The following TAX1BP1 variants were observed in gnomAD, a reference collection of about 807,000 sequenced individuals.
TAX1BP1 encodes Tax1 binding protein 1.
A neutral mutation model predicts 97.7 loss-of-function variants in TAX1BP1; 62 were observed. The observed-to-expected ratio is 0.63, with a 90% CI of 0.52 to 0.78. The LOEUF (loss-of-function observed/expected upper bound fraction) is 0.78. TAX1BP1 is among the 30% of genes least tolerant of loss of function. The probability of loss-of-function intolerance (pLI) is 0.00; values close to 1 mark genes in which losing one functional copy is unlikely to be tolerated. For synonymous variants in TAX1BP1, 340 were observed against 304.2 expected (o/e 1.12, Z -1.23); for missense variants, 867 against 916.1 (o/e 0.95, Z 0.69).
chr7:27,806,918 T>C (rs1425043113), intron 13 of TAX1BP1, among the ~76,000 whole-genome samples: 4 of 152,158 alleles, frequency 2.6e-5, no homozygotes, highest in African/African-American at 7.2e-5. Context: ...CAAATCTGTT[T>C]TGTGTCTTTC....
intron 3 of TAX1BP1, among the ~76,000 whole-genome samples, chr7:27,763,146 A>T (rs2081994616): frequency 6.6e-6 from 1 of 152,232 alleles, no homozygotes; most frequent in Non-Finnish European, 1.5e-5. Context: ...TTCAAGCATA[A>T]TGCAAATCAC....
At chr7:27,786,020 ATTAAT>A (rs1230677026) in intron 7 of TAX1BP1, among the ~76,000 whole-genome samples, 1 of 152,184 alleles carries the variant, frequency 6.6e-6, no homozygotes, top group Non-Finnish European at 1.5e-5. Context: ...TGGGGAGAAC[ATTAAT>A]TTAGTAATAA....
chr7:27,792,625 G>A (rs1188297492), intron 9 of TAX1BP1, among the ~76,000 whole-genome samples: 1 of 152,050 alleles, frequency 6.6e-6, no homozygotes, highest in African/African-American at 2.4e-5. Flanking sequence ...TGTAAAACTG[G>A]ACTTAACAAG....
chr7:27,820,324 T>C (rs182658951), intron 15 of TAX1BP1, among the ~76,000 whole-genome samples: 1 of 152,294 alleles, frequency 6.6e-6, no homozygotes, highest in East Asian at 1.9e-4. Flanking sequence ...CTGCAGACAT[T>C]TTTTGTTGAT....
chr7:27,799,252 T>C (rs1790045795), intron 12 of TAX1BP1, among the ~76,000 whole-genome samples: 1 of 152,220 alleles, frequency 6.6e-6, no homozygotes. Context: ...TTCCTCTCCA[T>C]TGAATTGCTC....
intron 2 of TAX1BP1, among the ~76,000 whole-genome samples, chr7:27,754,670 TC>T (rs1415644929): frequency 1.3e-5 from 2 of 152,118 alleles, no homozygotes; most frequent in African/African-American, 4.8e-5. Context: ...CCTCCTGGGT[TC>T]ACGCCATTCT....
chr7:27,742,211 G>C (rs1163000746), intron 1 of TAX1BP1, among the ~76,000 whole-genome samples: 1 of 152,112 alleles, frequency 6.6e-6, no homozygotes, highest in Non-Finnish European at 1.5e-5. Flanking sequence ...TACGGATGTC[G>C]GGCTGGGGGA....
chr7:27,798,383 C>T (rs1366339359), intron 12 of TAX1BP1, among the ~76,000 whole-genome samples: 2 of 151,596 alleles, frequency 1.3e-5, no homozygotes, highest in Admixed American at 1.3e-4. Context: ...GAAATTACCT[C>T]CTGGGTGCAG....
intron 15 of TAX1BP1, 124 bp downstream of exon 15, chr7:27,817,162 T>C (rs558289561): frequency 1.7e-6 from 2 of 1,198,458 alleles, no homozygotes; most frequent in South Asian, 1.9e-5. Flanking sequence ...AAGGAGAGTG[T>C]GTGCTTGTGC....
At chr7:27,813,019 C>T (rs1173461327) in intron 13 of TAX1BP1, among the ~76,000 whole-genome samples, 1 of 152,092 alleles carries the variant, frequency 6.6e-6, no homozygotes, top group African/African-American at 2.4e-5. Context: ...TACTGTTTGA[C>T]CCTTTGCAGA....
intron 5 of TAX1BP1, among the ~76,000 whole-genome samples, chr7:27,780,809 CATAAT>C (rs980841260): frequency 1.1e-4 from 17 of 152,058 alleles, no homozygotes; most frequent in African/African-American, 2.9e-4. Flanking sequence ...TTAAGAAACT[CATAAT>C]ATATTATTTC....
At chr7:27,769,863 A>C in intron 5 of TAX1BP1, 29 bp downstream of exon 5, 2 of 1,606,902 alleles carry the variant, frequency 1.2e-6, no homozygotes, top group Non-Finnish European at 1.7e-6. Context: ...AACTGATTGA[A>C]GTTGATAGTA....
intron 5 of TAX1BP1, among the ~76,000 whole-genome samples, chr7:27,778,799 T>A (rs1274688176): frequency 6.6e-6 from 1 of 151,500 alleles, no homozygotes; most frequent in Non-Finnish European, 1.5e-5. Context: ...GAGGTGGAGG[T>A]TGCAGTGAGC....
At chr7:27,763,289 A>G (rs1017425761) in intron 3 of TAX1BP1, among the ~76,000 whole-genome samples, 8 of 152,202 alleles carry the variant, frequency 5.3e-5, no homozygotes, top group African/African-American at 1.9e-4. Flanking sequence ...TACTAAAGGC[A>G]CAGTCTGTAA....
chr7:27,766,987 G>T (rs1266802871), intron 4 of TAX1BP1, among the ~76,000 whole-genome samples: 1 of 152,112 alleles, frequency 6.6e-6, no homozygotes, highest in Non-Finnish European at 1.5e-5. Context: ...GAATATTGTG[G>T]AGTCATGATC....
intron 15 of TAX1BP1, among the ~76,000 whole-genome samples, chr7:27,819,189 A>C (rs1343591015): frequency 6.6e-6 from 1 of 152,156 alleles, no homozygotes; most frequent in Non-Finnish European, 1.5e-5. Flanking sequence ...GCAGTTTCTA[A>C]GAACTGCTCC....
chr7:27,800,492 G>C (rs936161362), intron 13 of TAX1BP1, among the ~76,000 whole-genome samples: 3 of 152,062 alleles, frequency 2.0e-5, no homozygotes, highest in Non-Finnish European at 4.4e-5. Context: ...CAGTCTGGGA[G>C]GATTGCTTGA....
chr7:27,797,409 A>G (rs1198153059), intron 12 of TAX1BP1, among the ~76,000 whole-genome samples: 1 of 152,120 alleles, frequency 6.6e-6, no homozygotes, highest in African/African-American at 2.4e-5. Context: ...TCTCATTTAT[A>G]TCAATTTGGC....
At chr7:27,808,291 A>C (rs1012571467) in intron 13 of TAX1BP1, among the ~76,000 whole-genome samples, 4 of 152,220 alleles carry the variant, frequency 2.6e-5, no homozygotes, top group East Asian at 1.9e-4. Flanking sequence ...TGTAGTCTAA[A>C]ACTACAGCAT....
Sources: allele counts gnomAD v4.1 joint callset (sites outside exome capture counted in the v4.1 genomes callset), GRCh38; gene constraint gnomAD v4.1.1; transcripts MANE v1.5; gene names NCBI Gene and HGNC (gene_info 2026-07-23, HGNC 2026-07-21).